Variants in PSD3 observed in about 807,000 individuals in gnomAD.
PSD3 encodes the protein PH and SEC7 domain-containing protein 3.
PSD3 carries 49 observed loss-of-function variants against 105.5 expected under a neutral mutation model. The observed-to-expected ratio is 0.46, with a 90% confidence interval of 0.37 to 0.59. The LOEUF is 0.59. Among genes scored for constraint, PSD3 ranks in the 20% least tolerant of loss-of-function variants. The pLI, the probability that PSD3 is intolerant of heterozygous loss-of-function variation, is 0.00. For missense variants in PSD3, 1,561 were observed against 1,263.8 expected (o/e 1.24, Z -3.57); for synonymous variants, 557 against 457.8 (o/e 1.22, Z -2.77).
chr8:18,681,501 G>A (rs564059634), intron 9 of PSD3, among the ~76,000 whole-genome samples: 3 of 150,150 alleles, frequency 2.0e-5, no homozygotes, highest in Admixed American at 2.0e-4. Context: ...TGATTTAAGG[G>A]CTAAAAAATA....
chr8:18,947,160 A>G (rs371811366), intron 1 of PSD3, among the ~76,000 whole-genome samples: 156 of 152,242 alleles, frequency 1.0e-3, no homozygotes, highest in African/African-American at 3.6e-3. Flanking sequence ...ATGCCTCTCA[A>G]GAGTAGAGAG....
chr8:19,073,008 G>T lies in PSD3; in HGVS notation c.324+11198C>A, dbSNP rs532549147. On this transcript the variant is annotated intron_variant, in intron 1 of 1. Transcript: ENST00000521475. ...TTTCTTGCTGGTCCAGTAGTACGAG[G>T]ATTTGGGGCTAGATTTTATTAAAGA... 1.4e-3 allele frequency among the ~76,000 whole-genome samples: 208 copies of T among 152,280 alleles called. 1 individual carries two copies. The highest frequency in any genetic ancestry group is 4.8e-3 in the African/African-American group (201 of 41,542).
chr8:18,671,469 G>T (rs142682480), intron 9 of PSD3, among the ~76,000 whole-genome samples: 168 of 152,256 alleles, frequency 1.1e-3, no homozygotes, highest in African/African-American at 3.9e-3. Flanking sequence ...CTCTTTCCAA[G>T]AGGTAATGTA....
intron 11 of PSD3, among the ~76,000 whole-genome samples, chr8:18,604,891 C>A (rs1012706928): frequency 6.6e-6 from 1 of 152,192 alleles, no homozygotes; most frequent in Non-Finnish European, 1.5e-5. Context: ...CCTGTGGCTA[C>A]AAAGAGGACA....
At chr8:18,783,053 G>C (rs1019040618) in intron 8 of PSD3, among the ~76,000 whole-genome samples, 1 of 152,058 alleles carries the variant, frequency 6.6e-6, no homozygotes, top group Non-Finnish European at 1.5e-5. Flanking sequence ...TTTTTCTGAA[G>C]GGTGTAAAAA....
intron 1 of PSD3, among the ~76,000 whole-genome samples, chr8:19,077,031 T>A (rs1051431265): frequency 6.6e-6 from 1 of 152,214 alleles, no homozygotes; most frequent in Non-Finnish European, 1.5e-5. Flanking sequence ...CCTTTCACCA[T>A]TGTTTTTATT....
At chr8:18,660,464 G>A (rs975126207) in intron 9 of PSD3, among the ~76,000 whole-genome samples, 7 of 152,260 alleles carry the variant, frequency 4.6e-5, no homozygotes, top group Middle Eastern at 3.4e-3. Context: ...ATACTCTAGC[G>A]TACTAGAGAA....
chr8:18,607,867 A>G (rs1051845226), intron 11 of PSD3, among the ~76,000 whole-genome samples: 1 of 152,138 alleles, frequency 6.6e-6, no homozygotes, highest in Non-Finnish European at 1.5e-5. Flanking sequence ...GGAAATGATT[A>G]TGTCCTTCTT....
At chr8:18,736,784 C>T (rs559180193) in intron 9 of PSD3, among the ~76,000 whole-genome samples, 3 of 152,294 alleles carry the variant, frequency 2.0e-5, no homozygotes, top group Admixed American at 1.3e-4. Context: ...ATATCAGAAT[C>T]GTCATCAATT....
At chr8:18,828,050 T>TATATATATATATA (rs1554515322) in intron 4 of PSD3, among the ~76,000 whole-genome samples, 4 of 107,980 alleles carry the variant, frequency 3.7e-5, no homozygotes, top group African/African-American at 1.5e-4. Context: ...TATATATGTA[T>TATATATATATATA]ATATATATAT....
intron 1 of PSD3, among the ~76,000 whole-genome samples, chr8:19,064,695 C>A (rs1829018996): frequency 6.6e-6 from 1 of 152,176 alleles, no homozygotes; most frequent in African/African-American, 2.4e-5. Flanking sequence ...GAATAAAATT[C>A]TTCCCACTCA....
At chr8:18,954,379 A>G (rs1172521775) in intron 1 of PSD3, among the ~76,000 whole-genome samples, 1 of 122,442 alleles carries the variant, frequency 8.2e-6, no homozygotes, top group East Asian at 2.5e-4. Context: ...TTTAATTTTT[A>G]TAAGAAAAAA....
rs555206458 is a variant in PSD3 at position 18,839,385 on chromosome 8, G to A, written c.1634+28289C>T. On this transcript the variant is annotated intron_variant, in intron 4 of 15. Coordinates refer to ENST00000327040, the MANE Select transcript of PSD3 (RefSeq NM_015310.4). ...CAGGATAAACACCAAAAACAGTGGG[G>A]CCAAGTTTGCCTTGTAAAAGATCTA... is the stretch of plus-strand genomic sequence containing the variant. Among the ~76,000 whole-genome samples, 6 of 152,188 alleles carry A rather than the reference G, an allele frequency of 3.9e-5. No homozygotes were observed. In the East Asian group the frequency reaches 1.2e-3, roughly 29 times the overall value.
chr8:18,676,439 C>G (rs1364355757), intron 9 of PSD3, among the ~76,000 whole-genome samples: 1 of 152,162 alleles, frequency 6.6e-6, no homozygotes, highest in Non-Finnish European at 1.5e-5. Flanking sequence ...TGATGCCATA[C>G]CCGCTAACCC....
At chr8:18,988,654 G>T (rs1270748838) in intron 1 of PSD3, among the ~76,000 whole-genome samples, 1 of 152,078 alleles carries the variant, frequency 6.6e-6, no homozygotes, top group Admixed American at 6.5e-5. Context: ...CACTACTTAA[G>T]CCATTGTTCA....
chr8:18,835,037 A>T (rs1327723108), intron 4 of PSD3, among the ~76,000 whole-genome samples: 1 of 152,224 alleles, frequency 6.6e-6, no homozygotes, highest in Non-Finnish European at 1.5e-5. Flanking sequence ...TCAGCCATTA[A>T]ATTGGTTAAG....
chr8:18,595,954 T>C (rs1804063776), intron 12 of PSD3, among the ~76,000 whole-genome samples: 1 of 152,096 alleles, frequency 6.6e-6, no homozygotes, highest in African/African-American at 2.4e-5. Flanking sequence ...AGAATATATA[T>C]TCTTCTCAAG....
chr8:19,002,439 A>C (rs149988668), intron 1 of PSD3, among the ~76,000 whole-genome samples: 1 of 152,146 alleles, frequency 6.6e-6, no homozygotes, highest in East Asian at 1.9e-4. Flanking sequence ...TTTAAGGAAC[A>C]AGCATATATC....
chr8:18,957,622 T>TA (rs897476988), intron 1 of PSD3, among the ~76,000 whole-genome samples: 6 of 152,142 alleles, frequency 3.9e-5, no homozygotes, highest in Non-Finnish European at 8.8e-5. Flanking sequence ...GGGAGGGCTG[T>TA]AAAAAAAGAC....
Sources: gnomAD v4.1 joint callset for allele counts (sites outside exome capture counted in the v4.1 genomes callset) on GRCh38, gnomAD v4.1.1 for gene constraint, MANE v1.5 for transcripts, NCBI Gene and HGNC (gene_info 2026-07-23, HGNC 2026-07-21) for gene names.